The following CNBD1 variants were observed in gnomAD, a reference collection of about 807,000 sequenced individuals.
CNBD1 encodes the protein cyclic nucleotide-binding domain-containing protein 1.
CNBD1 carries 71 observed loss-of-function variants against 54.4 expected under a neutral mutation model. The ratio of observed to expected loss-of-function variants is 1.30; its 90% CI spans 1.08 to 1.59. The LOEUF (loss-of-function observed/expected upper bound fraction) is 1.59. CNBD1 is among the 40% of genes most tolerant of loss of function. CNBD1 has a pLI of 0.00. For missense variants in CNBD1, 659 were observed against 518.0 expected (o/e 1.27, Z -2.64); for synonymous variants, 182 against 170.7 (o/e 1.07, Z -0.51).
intron 6 of CNBD1, among the ~76,000 whole-genome samples, chr8:87,238,421 C>T (rs1335598215): frequency 1.3e-5 from 2 of 152,058 alleles, no homozygotes; most frequent in Non-Finnish European, 2.9e-5. Flanking sequence ...CAGACCCAAA[C>T]CAAAACTTTA....
chr8:87,119,748 A>G (rs1334863837), intron 4 of CNBD1, among the ~76,000 whole-genome samples: 1 of 152,186 alleles, frequency 6.6e-6, no homozygotes, highest in South Asian at 2.1e-4. Flanking sequence ...ATTTCAAGGT[A>G]TGTTCCTTCT....
chr8:87,144,063 G>A (rs911633479), intron 4 of CNBD1, among the ~76,000 whole-genome samples: 22 of 152,124 alleles, frequency 1.4e-4, no homozygotes, highest in Non-Finnish European at 2.9e-5. Flanking sequence ...AAAGCAGTTT[G>A]TTCTGAAGGA....
chr8:86,956,969 T>G (rs558908593), intron 4 of CNBD1, among the ~76,000 whole-genome samples: 13 of 152,342 alleles, frequency 8.5e-5, no homozygotes, highest in African/African-American at 3.1e-4. Flanking sequence ...TGTGGGTCTG[T>G]CATAAATAGC....
chr8:87,303,438 A>G (rs551171024), intron 8 of CNBD1, among the ~76,000 whole-genome samples: 64 of 151,988 alleles, frequency 4.2e-4, no homozygotes, highest in African/African-American at 1.5e-3. Flanking sequence ...AGCCATATGT[A>G]GAAAGCTGAA....
At chr8:87,255,126 C>G (rs1213792442) in intron 6 of CNBD1, among the ~76,000 whole-genome samples, 1 of 151,886 alleles carries the variant, frequency 6.6e-6, no homozygotes, top group South Asian at 2.1e-4. Context: ...TTACTTAATG[C>G]AAGGTTACTT....
At chr8:87,390,142 A>G (rs1194782454) in intron 2 of CNBD1, among the ~76,000 whole-genome samples, 1 of 151,810 alleles carries the variant, frequency 6.6e-6, no homozygotes, top group African/African-American at 2.4e-5. Flanking sequence ...AACCATAAAA[A>G]CCCTAGGAGA....
chr8:86,958,117 G>T (rs1450446325), intron 4 of CNBD1, among the ~76,000 whole-genome samples: 1 of 152,178 alleles, frequency 6.6e-6, no homozygotes, highest in Non-Finnish European at 1.5e-5. Context: ...AGGTTGTTCA[G>T]TTTCCAGGTA....
At chr8:87,223,969 G>C (rs1425803654) in intron 5 of CNBD1, among the ~76,000 whole-genome samples, 2 of 151,870 alleles carry the variant, frequency 1.3e-5, no homozygotes, top group Non-Finnish European at 2.9e-5. Context: ...TTGTGGTTTT[G>C]ATTTGCATTT....
At chr8:87,189,890 G>T (rs545225417) in intron 4 of CNBD1, among the ~76,000 whole-genome samples, 1 of 152,208 alleles carries the variant, frequency 6.6e-6, no homozygotes, top group African/African-American at 2.4e-5. Flanking sequence ...AATTATTCAA[G>T]AAATACTTCA....
chr8:87,156,343 C>G (rs1812741105), intron 4 of CNBD1, among the ~76,000 whole-genome samples: 1 of 134,768 alleles, frequency 7.4e-6, no homozygotes, highest in Non-Finnish European at 1.6e-5. Flanking sequence ...CTCCTGAGTT[C>G]AAACGATTCT....
At chr8:87,280,362 C>T (rs1808575217) in intron 6 of CNBD1, among the ~76,000 whole-genome samples, 1 of 151,374 alleles carries the variant, frequency 6.6e-6, no homozygotes. Flanking sequence ...ATAATTAAAG[C>T]TAATAGAAAC....
chr8:87,052,390 A>C (rs530813932), intron 4 of CNBD1, among the ~76,000 whole-genome samples: 1 of 152,204 alleles, frequency 6.6e-6, no homozygotes, highest in East Asian at 1.9e-4. Context: ...CAGACTTTCC[A>C]TAAAGGCCAA....
chr8:87,262,204 C>A (rs1808156962), intron 6 of CNBD1, among the ~76,000 whole-genome samples: 1 of 152,020 alleles, frequency 6.6e-6, no homozygotes, highest in Admixed American at 6.6e-5. Flanking sequence ...AATTGTTGAA[C>A]ATTATGTTTT....
At chr8:87,025,685 A>G (rs1343110825) in intron 4 of CNBD1, among the ~76,000 whole-genome samples, 1 of 152,164 alleles carries the variant, frequency 6.6e-6, no homozygotes, top group Non-Finnish European at 1.5e-5. Context: ...GGAACAGACA[A>G]CTCCGGACAG....
intron 4 of CNBD1, among the ~76,000 whole-genome samples, chr8:87,046,825 G>A (rs72665009): frequency 6.6e-6 from 1 of 152,076 alleles, no homozygotes; most frequent in Admixed American, 6.5e-5. Context: ...CTTAATGCAG[G>A]CGCTCTCAGT....
intron 6 of CNBD1, among the ~76,000 whole-genome samples, chr8:87,267,071 C>A (rs2130854592): frequency 1.3e-5 from 2 of 152,158 alleles, no homozygotes; most frequent in South Asian, 4.1e-4. Flanking sequence ...AATGAAAAGA[C>A]AAGGCACACA....
intron 3 of CNBD1, among the ~76,000 whole-genome samples, chr8:86,918,366 T>C (rs939584640): frequency 1.3e-5 from 2 of 152,280 alleles, no homozygotes; most frequent in Middle Eastern, 3.4e-3. Context: ...CTTTCCTCAC[T>C]GGTTCATATT....
At chr8:86,969,406 C>A (rs560675205) in intron 4 of CNBD1, among the ~76,000 whole-genome samples, 1 of 152,224 alleles carries the variant, frequency 6.6e-6, no homozygotes, top group African/African-American at 2.4e-5. Flanking sequence ...TCCTTCAGAA[C>A]CTTCTTTGAA....
intron 6 of CNBD1, among the ~76,000 whole-genome samples, chr8:87,280,889 G>T (rs1302021286): frequency 6.6e-6 from 1 of 151,506 alleles, no homozygotes; most frequent in South Asian, 2.1e-4. Context: ...GAATTTACAA[G>T]TATGAGAAAC....
Sources: gnomAD v4.1 joint callset for allele counts (sites outside exome capture counted in the v4.1 genomes callset) on GRCh38, gnomAD v4.1.1 for gene constraint, MANE v1.5 for transcripts, NCBI Gene and HGNC (gene_info 2026-07-23, HGNC 2026-07-21) for gene names.